DGKB: variants seen among roughly 807,000 people sequenced by gnomAD.
DGKB encodes the protein diacylglycerol kinase beta.
Under a neutral mutation model 114.3 loss-of-function variants are expected in DGKB, and 67 were observed. The observed-to-expected ratio is 0.59, with a 90% CI of 0.48 to 0.72. The LOEUF (loss-of-function observed/expected upper bound fraction) is 0.72. DGKB is among the 30% of genes least tolerant of loss of function. The probability of loss-of-function intolerance (pLI) is 0.00; values close to 1 mark genes in which losing one functional copy is unlikely to be tolerated. For missense variants in DGKB, 907 were observed against 975.2 expected (o/e 0.93, Z 0.93); for synonymous variants, 398 against 323.1 (o/e 1.23, Z -2.49).
At chr7:14,544,816 A>G (rs1794026978) in intron 20 of DGKB, among the ~76,000 whole-genome samples, 1 of 151,940 alleles carries the variant, frequency 6.6e-6, no homozygotes, top group Non-Finnish European at 1.5e-5. Context: ...TTTCTCTTTT[A>G]TAGATCTCCA....
intron 23 of DGKB, among the ~76,000 whole-genome samples, chr7:14,243,446 A>G (rs1457050726): frequency 2.0e-5 from 3 of 152,224 alleles, no homozygotes; most frequent in African/African-American, 7.2e-5. Context: ...ATAGATGCTA[A>G]CATATTAGAT....
intron 23 of DGKB, among the ~76,000 whole-genome samples, chr7:14,252,191 CTTACCCAGATCAAGTCTGCTGTTGAAATT>C (rs1795346681): frequency 6.6e-6 from 1 of 152,028 alleles, no homozygotes; most frequent in Non-Finnish European, 1.5e-5. Flanking sequence ...TTTTATTCTT[CTTACCCAGATCAAGTCTGCTGTTGAAATT>C]TTACCCAGAT....
intron 20 of DGKB, among the ~76,000 whole-genome samples, chr7:14,517,075 C>A (rs1268655817): frequency 2.0e-5 from 3 of 152,072 alleles, no homozygotes; most frequent in Admixed American, 6.6e-5. Flanking sequence ...GCCACAGTAA[C>A]CCAATCCGCA....
At chr7:14,281,256 G>T (rs976324544) in intron 23 of DGKB, among the ~76,000 whole-genome samples, 1 of 151,658 alleles carries the variant, frequency 6.6e-6, no homozygotes, top group Non-Finnish European at 1.5e-5. Context: ...GATCAAAAGA[G>T]ACAAAAAAGA....
chr7:14,176,657 G>A, intron 25 of DGKB, 182 bp downstream of exon 25: 1 of 1,338,116 alleles, frequency 7.5e-7, no homozygotes, highest in African/African-American at 1.5e-5. Context: ...TCATTGCCAA[G>A]GGTATATAAT....
At chr7:14,532,978 A>C (rs1229257032) in intron 20 of DGKB, among the ~76,000 whole-genome samples, 1 of 151,810 alleles carries the variant, frequency 6.6e-6, no homozygotes, top group African/African-American at 2.4e-5. Context: ...CACAAAGAAT[A>C]AGGGTTACAT....
At chr7:14,507,333 T>C (rs1381012642) in intron 20 of DGKB, among the ~76,000 whole-genome samples, 1 of 152,198 alleles carries the variant, frequency 6.6e-6, no homozygotes, top group Non-Finnish European at 1.5e-5. Context: ...TGATATTTTC[T>C]ATAGGGCATA....
intron 25 of DGKB, among the ~76,000 whole-genome samples, chr7:14,169,371 AAAAAAAAAAAAAG>A (rs1780498643): frequency 6.6e-6 from 1 of 151,526 alleles, no homozygotes; most frequent in Non-Finnish European, 1.5e-5. Flanking sequence ...TCTCAAAAAA[AAAAAAAAAAAAAG>A]AAATGCAAAC....
At chr7:14,821,171 T>A (rs1844882724) in intron 2 of DGKB, among the ~76,000 whole-genome samples, 1 of 152,260 alleles carries the variant, frequency 6.6e-6, no homozygotes, top group Admixed American at 6.5e-5. Flanking sequence ...GCATCTTTTA[T>A]CCCCTAACAA....
chr7:14,567,006 T>C (rs1167810258), intron 20 of DGKB, among the ~76,000 whole-genome samples: 2 of 145,020 alleles, frequency 1.4e-5, no homozygotes, highest in Non-Finnish European at 3.0e-5. Flanking sequence ...ATTGGTTTTT[T>C]GCTTTTTAAA....
intron 17 of DGKB, among the ~76,000 whole-genome samples, chr7:14,593,487 G>A (rs1427922249): frequency 1.3e-5 from 2 of 151,920 alleles, no homozygotes; most frequent in East Asian, 1.9e-4. Context: ...TCATTTCTGA[G>A]TGAATAGAAA....
Position 14,186,915 on chromosome 7 carries a change from G to C in DGKB, c.2123-8764C>G, listed in dbSNP as rs116817673. Among the ~76,000 whole-genome samples the C allele has an allele frequency of 1.2e-3, 177 of 152,222 alleles. 1 individual carries two copies. The highest frequency in any genetic ancestry group is 3.9e-3 in the African/African-American group (163 of 41,542). ...GGATAAAAGACTACAAATATAGTGAGTGTATACTGCTCAGGTGATGGGTGC... is the reference window on the plus strand; with the variant it reads ...GGATAAAAGACTACAAATATAGTGACTGTATACTGCTCAGGTGATGGGTGC... On this transcript the variant is annotated intron_variant, in intron 23 of 25. Coordinates refer to ENST00000402815, the MANE Select transcript of DGKB (RefSeq NM_001350709.2).
At chr7:14,897,490 CT>C in intron 1 of DGKB, among the ~76,000 whole-genome samples, 1 of 151,848 alleles carries the variant, frequency 6.6e-6, no homozygotes, top group East Asian at 1.9e-4. Context: ...TAAAAATCAC[CT>C]TTTCACAACT....
At chr7:14,273,526 G>A (rs924252012) in intron 23 of DGKB, among the ~76,000 whole-genome samples, 7 of 152,156 alleles carry the variant, frequency 4.6e-5, no homozygotes, top group African/African-American at 7.2e-5. Flanking sequence ...TTTATATCAA[G>A]TACTGTGGGC....
At chr7:14,209,229 G>T in intron 23 of DGKB, 1 of 269,448 alleles carries the variant, frequency 3.7e-6, no homozygotes, top group Non-Finnish European at 7.3e-6. Flanking sequence ...TTTTTAAATT[G>T]TATCTCATGT....
At chr7:14,569,008 C>T (rs1424752399) in intron 20 of DGKB, among the ~76,000 whole-genome samples, 1 of 152,160 alleles carries the variant, frequency 6.6e-6, no homozygotes, top group Non-Finnish European at 1.5e-5. Flanking sequence ...TGCTTTAAAT[C>T]CTTCAACTCC....
At chr7:14,825,016 G>GTATATATATATATATA (rs67135250) in intron 2 of DGKB, among the ~76,000 whole-genome samples, 6 of 92,408 alleles carry the variant, frequency 6.5e-5, no homozygotes, top group East Asian at 3.3e-4. Flanking sequence ...GTATGTGTAT[G>GTATATATATATATATA]TATATATATA....
chr7:14,155,079 G>C (rs71538864), intron 25 of DGKB, among the ~76,000 whole-genome samples: 6,097 of 152,052 alleles, frequency 0.04, 184 homozygotes, highest in Non-Finnish European at 0.064. Context: ...TGATTCCTCT[G>C]TGCTTTTAAA....
intron 23 of DGKB, among the ~76,000 whole-genome samples, chr7:14,320,159 A>G (rs1807472637): frequency 6.6e-6 from 1 of 151,886 alleles, no homozygotes; most frequent in Non-Finnish European, 1.5e-5. Flanking sequence ...GCTGAGGGGG[A>G]GGCGGGGGTC....
Sources: gnomAD v4.1 joint callset for allele counts (sites outside exome capture counted in the v4.1 genomes callset) on GRCh38, gnomAD v4.1.1 for gene constraint, MANE v1.5 for transcripts, NCBI Gene and HGNC (gene_info 2026-07-23, HGNC 2026-07-21) for gene names.